The following ROR1 variants were observed in gnomAD, a reference collection of about 807,000 sequenced individuals.
The protein encoded by ROR1 is inactive tyrosine-protein kinase transmembrane receptor ROR1.
Under a neutral mutation model 78.8 loss-of-function variants are expected in ROR1, and 19 were observed. The observed-to-expected ratio is 0.24, with a 90% CI of 0.17 to 0.35. The LOEUF (loss-of-function observed/expected upper bound fraction) is 0.35. ROR1 is among the 10% of genes least tolerant of loss of function. The probability of loss-of-function intolerance (pLI) is 1.00; values close to 1 mark genes in which losing one functional copy is unlikely to be tolerated. For missense variants in ROR1, 917 were observed against 1,177.8 expected, an observed-to-expected ratio of 0.78 and a Z score of 3.24; for synonymous variants, 386 against 433.6, an observed-to-expected ratio of 0.89 and a Z score of 1.36.
chr1:63,902,865 C>T (rs968576117), intron 1 of ROR1, among the ~76,000 whole-genome samples: 1 of 152,148 alleles, frequency 6.6e-6, no homozygotes, highest in African/African-American at 2.4e-5. Context: ...TCTGTTTCCG[C>T]CAGTCATCCT....
At chr1:63,996,324 A>G (rs1394526725) in intron 1 of ROR1, among the ~76,000 whole-genome samples, 1 of 152,140 alleles carries the variant, frequency 6.6e-6, no homozygotes, top group South Asian at 2.1e-4. Context: ...TCTCGTCCCA[A>G]CTTATGCTCT....
intron 1 of ROR1, among the ~76,000 whole-genome samples, chr1:63,955,493 G>A (rs867179242): frequency 3.9e-5 from 6 of 152,014 alleles, no homozygotes; most frequent in African/African-American, 2.4e-5. Context: ...GTTATCCCTC[G>A]TTTTTCTCAG....
In ROR1 at chr1:64,166,562, T is replaced by C. The variant is rs1418733288; in HGVS notation, c.1386+7370T>C. Among the ~76,000 whole-genome samples, 4 of 150,630 alleles carry C rather than the reference T, an allele frequency of 2.7e-5. No homozygotes were observed. The East Asian group carries it at 7.7e-4, about 29-fold the overall frequency. On this transcript the variant is annotated intron_variant, in intron 8 of 8. Transcript: ENST00000371079. Reference sequence around the variant, plus strand: ...AGTGTTTTGACTACAGCTCTTTTAATGAAGCAAATGCTGTGCAAACATAGA... The same window carrying C: ...AGTGTTTTGACTACAGCTCTTTTAACGAAGCAAATGCTGTGCAAACATAGA...
At chr1:64,130,139 C>T (rs1012815679) in intron 4 of ROR1, among the ~76,000 whole-genome samples, 8 of 152,064 alleles carry the variant, frequency 5.3e-5, no homozygotes, top group South Asian at 4.2e-4. Flanking sequence ...ATGTGATATT[C>T]GACACAGTCA....
At chr1:63,918,925 A>G (rs1645631626) in intron 1 of ROR1, among the ~76,000 whole-genome samples, 1 of 152,214 alleles carries the variant, frequency 6.6e-6, no homozygotes, top group Non-Finnish European at 1.5e-5. Flanking sequence ...TTAACCATTC[A>G]TCTTTTTAAA....
intron 1 of ROR1, among the ~76,000 whole-genome samples, chr1:63,860,852 G>A (rs1044100286): frequency 6.6e-6 from 1 of 151,834 alleles, no homozygotes; most frequent in African/African-American, 2.4e-5. Flanking sequence ...ATTCTGTCTA[G>A]CAAATAGTGT....
intron 1 of ROR1, among the ~76,000 whole-genome samples, chr1:63,921,957 G>C (rs535427446): frequency 6.6e-6 from 1 of 152,162 alleles, no homozygotes; most frequent in Non-Finnish European, 1.5e-5. Flanking sequence ...CAGGAAAGAG[G>C]GGGTATCTCA....
intron 4 of ROR1, among the ~76,000 whole-genome samples, chr1:64,053,416 T>C (rs187148469): frequency 1.3e-5 from 2 of 152,286 alleles, no homozygotes; most frequent in Admixed American, 1.3e-4. Context: ...TTCAGAATGA[T>C]ATTTTAGTTT....
At chr1:64,156,854 C>T (rs1326467180) in intron 7 of ROR1, among the ~76,000 whole-genome samples, 1 of 152,084 alleles carries the variant, frequency 6.6e-6, no homozygotes, top group Admixed American at 6.5e-5. Flanking sequence ...GGGCAAAATT[C>T]TCCAATTATT....
In ROR1 at chr1:64,011,884, C is replaced by T. The variant is rs562744714; in HGVS notation, c.163+2508C>T. On this transcript the variant is annotated intron_variant, in intron 2 of 8. Transcript: ENST00000371079. Reference sequence around the variant, plus strand: ...TATAAAGATAAACCAGGCAAAGGCCCCTGTCCTCCATGAACTCAGAGACTA... The same window carrying T: ...TATAAAGATAAACCAGGCAAAGGCCTCTGTCCTCCATGAACTCAGAGACTA... Among the ~76,000 whole-genome samples, 23 of 152,276 alleles carry T rather than the reference C, an allele frequency of 1.5e-4. No individual in the cohort carries two copies. The South Asian group carries it at 3.1e-3, about 21-fold the overall frequency.
chr1:64,097,718 A>G (rs1647354739), intron 4 of ROR1, among the ~76,000 whole-genome samples: 1 of 152,096 alleles, frequency 6.6e-6, no homozygotes, highest in East Asian at 1.9e-4. Context: ...GGAGCTGGTT[A>G]TGGCAGAGCC....
At position 63,786,194 on chromosome 1, in the gene ROR1, C is replaced by T. The variant is rs566196723; in HGVS notation, c.91+11686C>T. Among the ~76,000 whole-genome samples, 18 of 150,654 alleles carry T rather than the reference C, an allele frequency of 1.2e-4. No individual in the cohort carries two copies. The South Asian group carries it at 3.6e-3, about 30-fold the overall frequency. On this transcript the variant is annotated intron_variant, in intron 1 of 8. Coordinates refer to ENST00000371079, the MANE Select transcript of ROR1 (RefSeq NM_005012.4). Reference sequence around the variant, plus strand: ...CTTAACACTGATTAGTCTTCCTCCCCAGAAAGAAAGCACCTGGCACAGGGA... The same window carrying T: ...CTTAACACTGATTAGTCTTCCTCCCTAGAAAGAAAGCACCTGGCACAGGGA...
rs751680204 is a variant in ROR1, at chr1:63,924,932, CTTTTTTT to C, written c.92-84355_92-84349del. On this transcript the variant is annotated intron_variant, in intron 1 of 8. Transcript: ENST00000371079. ...GCGGATTGGACCAGCAAAGGGGATG[CTTTTTTT>C]TTTTTTTTTTTTTTTTTAAGAAAAA... is the stretch of plus-strand genomic sequence containing the variant. Among the ~76,000 whole-genome samples, 721 of 85,028 alleles carry C rather than the reference CTTTTTTT, an allele frequency of 8.5e-3. 7 individuals are homozygous for C. The highest frequency in any genetic ancestry group is 0.027 in the African/African-American group (691 of 25,532). The allele number at this position is 85,028 out of a possible 152,430, so 55.8% of individuals were successfully genotyped here.
chr1:63,777,789 A>G (rs193078980), intron 1 of ROR1, among the ~76,000 whole-genome samples: 2 of 152,360 alleles, frequency 1.3e-5, no homozygotes, highest in East Asian at 3.9e-4. Context: ...TGGAGAATGG[A>G]ACACTTTGTA....
intron 2 of ROR1, among the ~76,000 whole-genome samples, chr1:64,046,871 C>A (rs779929942): frequency 5.3e-5 from 8 of 152,216 alleles, no homozygotes; most frequent in Admixed American, 1.3e-4. Context: ...CCACTCTGAT[C>A]CTAGGTTTCC....
intron 1 of ROR1, among the ~76,000 whole-genome samples, chr1:63,861,945 T>TAAAA (rs1211187523): frequency 6.6e-6 from 1 of 152,150 alleles, no homozygotes; most frequent in Non-Finnish European, 1.5e-5. Flanking sequence ...TTTATTAAAA[T>TAAAA]AAAAAATGGC....
At chr1:64,154,218 G>A (rs1207432144) in intron 7 of ROR1, among the ~76,000 whole-genome samples, 1 of 152,188 alleles carries the variant, frequency 6.6e-6, no homozygotes, top group Non-Finnish European at 1.5e-5. Flanking sequence ...GTGAATGCCT[G>A]GGCCCAGCCT....
intron 4 of ROR1, among the ~76,000 whole-genome samples, chr1:64,076,251 A>G (rs536293638): frequency 6.6e-6 from 1 of 152,276 alleles, no homozygotes; most frequent in South Asian, 2.1e-4. Flanking sequence ...TTGAAATTGG[A>G]CCCTTCTGTA....
chr1:63,796,725 T>G (rs1644763367), intron 1 of ROR1, among the ~76,000 whole-genome samples: 1 of 152,086 alleles, frequency 6.6e-6, no homozygotes, highest in Non-Finnish European at 1.5e-5. Flanking sequence ...TTGCCTCCTT[T>G]GTGTTTTGGG....
Sources: allele counts gnomAD v4.1 joint callset (sites outside exome capture counted in the v4.1 genomes callset), GRCh38; gene constraint gnomAD v4.1.1; transcripts MANE v1.5; gene names NCBI Gene and HGNC (gene_info 2026-07-23, HGNC 2026-07-21).